Variants in CPSF1 observed in about 807,000 individuals in gnomAD.
CPSF1 encodes the protein cleavage and polyadenylation specific factor 1, also known as cleavage and polyadenylation specificity factor subunit 1.
In CPSF1, 106 loss-of-function variants were observed where a neutral mutation model predicts 175.8. That is an observed-to-expected ratio of 0.60 (90% CI 0.52 to 0.71). The LOEUF is 0.71. Ranked by LOEUF, CPSF1 falls within the 30% of genes least tolerant of loss-of-function variation. The pLI is 0.00. For missense variants in CPSF1, 1,734 were observed against 2,022.9 expected, an observed-to-expected ratio of 0.86 and a Z score of 2.74; for synonymous variants, 1,024 against 858.3, an observed-to-expected ratio of 1.19 and a Z score of -3.37.
rs530738110 is a variant in CPSF1 at position 144,397,772 on chromosome 8, C to T, written c.2181G>A (p.Pro727=). 70 of 1,609,448 alleles carry T rather than the reference C, an allele frequency of 4.3e-5. No homozygotes were observed. The South Asian group carries it at 5.3e-4, about 12-fold the overall frequency. The change falls in exon 21 of 38, where the codon CCG becomes CCA. Residue 727 remains proline (P), a synonymous_variant. Coordinates refer to ENST00000616140, the MANE Select transcript of CPSF1 (RefSeq NM_013291.3). ...ARDELGGRSG[P]EAEGLGSETS... is the part of the protein sequence containing the mutation. ...TCTCTGAGCCCAGGCCCTCGGCCTC[C>T]GGGCCACTGCGGCCCCCGAGCTCGT...
chr8:144,408,181 C>G (rs1387983529), intron 2 of CPSF1, among the ~76,000 whole-genome samples: 1 of 152,110 alleles, frequency 6.6e-6, no homozygotes, highest in Non-Finnish European at 1.5e-5. Flanking sequence ...GTCCTGACCA[C>G]GGCCTACCTC....
intron 2 of CPSF1, among the ~76,000 whole-genome samples, chr8:144,405,054 A>G (rs1209727359): frequency 1.4e-5 from 1 of 73,244 alleles, no homozygotes; most frequent in African/African-American, 5.6e-5. Context: ...AAAAAAAAAA[A>G]GAGAAAGAAA....
rs1821088238 is a variant in CPSF1, at chr8:144,400,138, C to CG, written c.937+27_937+28insC. On this transcript the variant is annotated intron_variant, in intron 9 of 37. Coordinates refer to ENST00000616140, the MANE Select transcript of CPSF1 (RefSeq NM_013291.3). ...GGCAGGCCCAAGCCGTCCCCGGGCC[C>CG]CCCCCGCCCCAGCCACCCCACACTC... The CG allele has an allele frequency of 2.0e-5, 24 of 1,185,588 alleles. 1 individual carries two copies. The highest frequency in any genetic ancestry group is 2.7e-5 in the Non-Finnish European group (23 of 846,108). The allele number at this position is 1,185,588 out of a possible 1,614,324, so 73.4% of individuals were successfully genotyped here.
chr8:144,396,470 G>C lies in CPSF1; in HGVS notation c.2857C>G (p.Leu953Val), dbSNP rs782325495. 6.2e-7 allele frequency: 1 copy of C among 1,607,386 alleles called. No individual in the cohort carries two copies. Among genetic ancestry groups the C allele is most frequent in the Middle Eastern group, 1.8e-4 (1 of 5,514 alleles). Reference protein sequence around the residue: ...VFICGPSPHWLLVTGRGALRL... With the variant: ...VFICGPSPHWVLVTGRGALRL... ...AGAGCCCCTCGGCCGGTCACCAAGA[G>C]CCAGTGAGGGGAGGGGCCGCAGATG... The change falls in exon 26 of 38, where the codon CTC becomes GTC. Residue 953 changes from leucine (L) to valine (V), a missense_variant. Coordinates refer to ENST00000616140, the MANE Select transcript of CPSF1 (RefSeq NM_013291.3).
In CPSF1 at chr8:144,395,272, G is replaced by C. The variant is rs782089711; in HGVS notation, c.3180C>G (p.Ile1060Met). 2 of 1,613,010 alleles carry C rather than the reference G, an allele frequency of 1.2e-6. No individual in the cohort carries two copies. Among genetic ancestry groups the C allele is most frequent in the Non-Finnish European group, 1.7e-6 (2 of 1,179,918 alleles). The change falls in exon 28 of 38, where the codon ATC becomes ATG. Residue 1060 changes from isoleucine to methionine, a missense_variant. Transcript: ENST00000616140. ...TGGTGTGGGCGTCACCACCTCTCTC[G>C]ATGGTCTCAAACTCCTTCTCCTCGC... ...MTGEEKEFET[I>M]ERDERYIHPQ...
Position 144,393,606 on chromosome 8 carries a change from A to C in CPSF1, c.4146-16T>G. On this transcript the variant is annotated splice_polypyrimidine_tract_variant and intron_variant, in intron 36 of 37. Transcript: ENST00000616140. ...GTGCAGCATCCTGGGGCGTACAGGC[A>C]CAGGTGTCAGGGCAGGCTGGGGTGG... 1.9e-6 allele frequency: 3 copies of C among 1,599,842 alleles called. No homozygotes were observed. The highest frequency in any genetic ancestry group is 2.5e-6 in the Non-Finnish European group (3 of 1,176,924).
Position 144,399,765 on chromosome 8 carries a change from C to T in CPSF1, c.1119+16G>A. On this transcript the variant is annotated intron_variant, in intron 11 of 37. Coordinates refer to ENST00000616140, the MANE Select transcript of CPSF1 (RefSeq NM_013291.3). This position sits in a 1 kb window ranked among gnomAD's most constrained non-coding sequence, Gnocchi z 6.4. ...GCCGGGTCTGGACCCAGACCCAACC[C>T]CTAGTCCCAACTCACGCTGGTGGTG... The T allele has an allele frequency of 2.5e-6, 4 of 1,587,238 alleles. No homozygotes were observed. Among genetic ancestry groups the T allele is most frequent in the Non-Finnish European group, 3.4e-6 (4 of 1,167,330 alleles).
In CPSF1 at chr8:144,401,547, C is replaced by T; in HGVS notation, c.189G>A (p.Arg63=). 2 of 1,613,782 alleles carry T rather than the reference C, an allele frequency of 1.2e-6. No homozygotes were observed. Among genetic ancestry groups the T allele is most frequent in the Non-Finnish European group, 1.7e-6 (2 of 1,179,902 alleles). The part of the protein sequence containing the change: ...NDRSTEGKAH[R]EKLELAASFS... ...AGGAGGCAGCAAGCTCGAGCTTCTC[C>T]CGGTGGGCCTTCCCCTCTAGGGGAG... Residue 63 remains arginine, a synonymous_variant, in exon 4 of 38, where the codon CGG becomes CGA. Transcript: ENST00000616140.
chr8:144,402,179 A>G (rs1821248057), intron 2 of CPSF1, among the ~76,000 whole-genome samples: 1 of 151,994 alleles, frequency 6.6e-6, no homozygotes, highest in Admixed American at 6.6e-5. Context: ...CTCCCTTTTC[A>G]CTGCCCTCCC....
intron 9 of CPSF1, 31 bp downstream of exon 9, chr8:144,400,135 G>GGGGGCCCCCCCCCCCCCCCCCCCCCCC: frequency 4.5e-6 from 4 of 895,998 alleles, no homozygotes; most frequent in East Asian, 2.9e-5. Flanking sequence ...CCGTCCCCGG[G>GGGGGCCCCCCCCCCCCCCCCCCCCCCC]CCCCCCCCGC....
In CPSF1 at chr8:144,401,031, G is replaced by A; in HGVS notation, c.432C>T (p.Asp144=). ...GCATGGCTGCACAGCGCCCGTCGGG[G>A]TCCACCCGCACTCGCGGCGTGTGTA... The part of the protein sequence containing the change: ...QNVHTPRVRV[D]PDGRCAAMLV... The change falls in exon 6 of 38, where the codon GAC becomes GAT. Residue 144 remains aspartate, a synonymous_variant. Coordinates refer to ENST00000616140, the MANE Select transcript of CPSF1 (RefSeq NM_013291.3). 5.6e-6 allele frequency: 9 copies of A among 1,608,862 alleles called. No homozygotes were observed. The highest frequency in any genetic ancestry group is 7.6e-6 in the Non-Finnish European group (9 of 1,177,348).
chr8:144,396,574 AC>A (rs1554863829), intron 25 of CPSF1, 23 bp downstream of exon 25: 3 of 1,609,396 alleles, frequency 1.9e-6, no homozygotes, highest in Non-Finnish European at 2.5e-6. Context: ...TCTACCACAG[AC>A]CCCTGCAAAG....
chr8:144,405,037 T>A (rs2116900626), intron 2 of CPSF1, among the ~76,000 whole-genome samples: 49 of 142,724 alleles, frequency 3.4e-4, no homozygotes, highest in Middle Eastern at 3.4e-3. Flanking sequence ...AGAGCGAGAC[T>A]CCGTCTAAAA....
At chr8:144,406,968 G>C (rs1815111015) in intron 2 of CPSF1, among the ~76,000 whole-genome samples, 1 of 152,074 alleles carries the variant, frequency 6.6e-6, no homozygotes, top group African/African-American at 2.4e-5. Context: ...ACCCAGGCTG[G>C]AGTGGAGTGC....
intron 17 of CPSF1, 46 bp from the exon 18 acceptor site, chr8:144,398,684 A>C: frequency 1.2e-6 from 2 of 1,608,132 alleles, no homozygotes; most frequent in Non-Finnish European, 1.7e-6. Context: ...AGTCCAGTGA[A>C]GGCAGGCACG....
At chr8:144,395,585 G>A (rs1554863476) in intron 26 of CPSF1, 34 bp from the exon 27 acceptor site, 1 of 1,490,344 alleles carries the variant, frequency 6.7e-7, no homozygotes, top group East Asian at 2.3e-5. Context: ...GGGGATCCAG[G>A]GCTAGCCAAG....
chr8:144,403,097 AAT>A (rs1491563905), intron 2 of CPSF1, among the ~76,000 whole-genome samples: 85 of 43,442 alleles, frequency 2.0e-3, no homozygotes, highest in African/African-American at 6.9e-3. Context: ...ATAGGAGGAA[AAT>A]TTTTTTTTTT....
At position 144,399,644 on chromosome 8, in the gene CPSF1, A is replaced by G; in HGVS notation, c.1186T>C (p.Tyr396His). 2 of 1,610,724 alleles carry G rather than the reference A, an allele frequency of 1.2e-6. No individual in the cohort carries two copies. The highest frequency in any genetic ancestry group is 8.5e-7 in the Non-Finnish European group (1 of 1,178,708). The change falls in exon 12 of 38, where the codon TAC (tyrosine) becomes CAC (histidine). Residue 396 changes from tyrosine (Y) to histidine (H), a missense_variant. Tyr to His is a moderately conservative substitution (Grantham distance 83, BLOSUM62 2). This residue lies in a region of CPSF1 where 162 missense variants were observed against 169.5 expected (regional missense o/e 0.96). Coordinates refer to ENST00000616140, the MANE Select transcript of CPSF1 (RefSeq NM_013291.3). The surrounding 1 kb of genome is among the most constrained non-coding windows in gnomAD (Gnocchi z 6.4). ...SRLGNSLLLKYTEKLQEPPAS... is the reference protein window; with the variant it reads ...SRLGNSLLLKHTEKLQEPPAS... ...GGGGGCTCCTGCAGCTTCTCCGTGT[A>G]CTTGAGGAGGAGGGAATTGCCCAGG...
In CPSF1 at chr8:144,395,124, G is replaced by A; in HGVS notation, c.3246C>T (p.Val1082=). Residue 1082 remains valine, a synonymous_variant, in exon 29 of 38, where the codon GTC becomes GTT. Transcript: ENST00000616140. Reference sequence around the variant, plus strand: ...TGGCATTGGGAATAGCCTCCCAGCTGACCGGGGAGATGAGCTGGATGGAGA... The same window carrying A: ...TGGCATTGGGAATAGCCTCCCAGCTAACCGGGGAGATGAGCTGGATGGAGA... ...EAFSIQLISP[V]SWEAIPNARI... 3 of 1,612,106 alleles carry A rather than the reference G, an allele frequency of 1.9e-6. No individual in the cohort carries two copies. The highest frequency in any genetic ancestry group is 1.7e-6 in the Non-Finnish European group (2 of 1,179,328).
Sources: allele counts gnomAD v4.1 joint callset (sites outside exome capture counted in the v4.1 genomes callset), GRCh38; gene constraint gnomAD v4.1.1; regional missense constraint gnomAD v4.1.1; non-coding constraint Gnocchi (gnomAD v3.1); transcripts MANE v1.5; gene names NCBI Gene and HGNC (gene_info 2026-07-23, HGNC 2026-07-21).